Variants in LRP1B observed in about 807,000 individuals in gnomAD.
LRP1B encodes low-density lipoprotein receptor-related protein 1B.
In LRP1B, 217 loss-of-function variants were observed where a neutral mutation model predicts 556.6. That is an observed-to-expected ratio of 0.39 (90% CI 0.35 to 0.44). The LOEUF (loss-of-function observed/expected upper bound fraction) is 0.44. Among genes scored for constraint, LRP1B ranks in the 20% least tolerant of loss-of-function variants. The probability of loss-of-function intolerance (pLI) is 1.00; values close to 1 mark genes in which losing one functional copy is unlikely to be tolerated. For missense variants in LRP1B, 5,053 were observed against 5,620.8 expected (o/e 0.90, Z 3.23); for synonymous variants, 2,047 against 1,865.8 (o/e 1.10, Z -2.50).
intron 2 of LRP1B, among the ~76,000 whole-genome samples, chr2:141,624,067 TTAGTACATAA>T (rs1688616067): frequency 1.1e-5 from 1 of 88,932 alleles, no homozygotes; most frequent in Admixed American, 1.1e-4. Flanking sequence ...AAAAACAAGA[TTAGTACATAA>T]TATATACATG....
chr2:141,124,322 C>T (rs960148647), intron 7 of LRP1B, among the ~76,000 whole-genome samples: 3 of 152,024 alleles, frequency 2.0e-5, no homozygotes, highest in Non-Finnish European at 2.9e-5. Context: ...ACCTTCCTTC[C>T]TCTTTTGTAT....
intron 25 of LRP1B, among the ~76,000 whole-genome samples, chr2:140,872,182 T>A (rs548299018): frequency 6.6e-6 from 1 of 150,562 alleles, no homozygotes; most frequent in South Asian, 2.1e-4. Flanking sequence ...TTTCACCCCC[T>A]GCTGCATGAG....
chr2:141,032,695 G>A (rs998716938), intron 11 of LRP1B, among the ~76,000 whole-genome samples: 4 of 151,360 alleles, frequency 2.6e-5, no homozygotes, highest in African/African-American at 9.7e-5. Context: ...ATTGTTTTCT[G>A]TTATATGAAT....
chr2:141,466,596 A>G lies in LRP1B; in HGVS notation c.343+13800T>C, dbSNP rs546735109. Reference sequence around the variant, plus strand: ...TCAGGCTTCTGGAAAGCTCCTTAAGAAGAAAATAAGTTGCTTGGTAGGGAT... The same window carrying G: ...TCAGGCTTCTGGAAAGCTCCTTAAGGAGAAAATAAGTTGCTTGGTAGGGAT... On this transcript the variant is annotated intron_variant, in intron 3 of 90. Transcript: ENST00000389484. 3.3e-5 allele frequency among the ~76,000 whole-genome samples: 5 copies of G among 152,224 alleles called. No individual in the cohort carries two copies. The East Asian group carries it at 9.7e-4, about 30-fold the overall frequency.
intron 25 of LRP1B, among the ~76,000 whole-genome samples, chr2:140,881,739 G>C (rs1693482404): frequency 6.6e-6 from 1 of 152,150 alleles, no homozygotes; most frequent in Non-Finnish European, 1.5e-5. Context: ...AACTCCCCCA[G>C]AAGCATTTTT....
At chr2:142,012,373 C>G (rs1162505924) in intron 1 of LRP1B, among the ~76,000 whole-genome samples, 1 of 152,082 alleles carries the variant, frequency 6.6e-6, no homozygotes, top group African/African-American at 2.4e-5. Context: ...CTTACAAAAT[C>G]TGTGCTTAGA....
chr2:140,962,531 G>T (rs956237396), intron 18 of LRP1B, among the ~76,000 whole-genome samples: 3 of 152,124 alleles, frequency 2.0e-5, no homozygotes, highest in Non-Finnish European at 4.4e-5. Context: ...TTAAGCTACG[G>T]TGTTCTGTAG....
At chr2:141,810,169 G>GAGT (rs1696311406) in intron 2 of LRP1B, 110 bp downstream of exon 2, 1 of 727,154 alleles carries the variant, frequency 1.4e-6, no homozygotes, top group East Asian at 3.2e-5. Context: ...AAGAAAGAAG[G>GAGT]AAAGAAAGAA....
At chr2:140,694,434 A>G (rs2105406131) in intron 41 of LRP1B, among the ~76,000 whole-genome samples, 1 of 152,346 alleles carries the variant, frequency 6.6e-6, no homozygotes, top group South Asian at 2.1e-4. Flanking sequence ...AAGTCTGTTT[A>G]AATACCATTG....
At chr2:140,363,615 T>G (rs2105148485) in intron 72 of LRP1B, among the ~76,000 whole-genome samples, 1 of 151,688 alleles carries the variant, frequency 6.6e-6, no homozygotes, top group African/African-American at 2.4e-5. Flanking sequence ...TAAAGAAAAC[T>G]GAAGCTGAAA....
intron 2 of LRP1B, among the ~76,000 whole-genome samples, chr2:141,649,934 T>C (rs355564): frequency 1 from 152,100 of 152,352 alleles, 75,924 homozygotes; most frequent in Non-Finnish European, 1. Context: ...GATTCCAGCT[T>C]TTTGGGAGGC....
At chr2:141,774,561 A>G (rs1312162483) in intron 2 of LRP1B, among the ~76,000 whole-genome samples, 1 of 152,184 alleles carries the variant, frequency 6.6e-6, no homozygotes, top group Non-Finnish European at 1.5e-5. Context: ...ATGAGATTTG[A>G]AGGAAACCAA....
chr2:141,488,168 A>G (rs1230696590), intron 2 of LRP1B, among the ~76,000 whole-genome samples: 5 of 130,636 alleles, frequency 3.8e-5, no homozygotes, highest in African/African-American at 1.5e-4. Context: ...AGGCCCAAGG[A>G]CTTACATTTA....
At chr2:140,394,602 C>T (rs1390196705) in intron 66 of LRP1B, among the ~76,000 whole-genome samples, 1 of 152,124 alleles carries the variant, frequency 6.6e-6, no homozygotes, top group Non-Finnish European at 1.5e-5. Flanking sequence ...TCCCACATAA[C>T]ATTCTGCTTC....
intron 18 of LRP1B, among the ~76,000 whole-genome samples, chr2:140,954,084 T>C (rs1004377830): frequency 1.3e-5 from 2 of 152,252 alleles, no homozygotes; most frequent in African/African-American, 4.8e-5. Context: ...ATATTTCCAC[T>C]ATTTTAGGAT....
At chr2:141,180,045 CA>C (rs1436733261) in intron 7 of LRP1B, among the ~76,000 whole-genome samples, 1 of 151,286 alleles carries the variant, frequency 6.6e-6, no homozygotes, top group Non-Finnish European at 1.5e-5. Flanking sequence ...GTTTGCAAAC[CA>C]AGATTCTTCC....
At chr2:141,502,628 A>C (rs13393536) in intron 2 of LRP1B, among the ~76,000 whole-genome samples, 116,124 of 151,802 alleles carry the variant, frequency 0.76, 44,865 homozygotes, top group East Asian at 0.91. Flanking sequence ...TGGGAGGCTG[A>C]GGTGGGCGGA....
intron 62 of LRP1B, among the ~76,000 whole-genome samples, chr2:140,455,547 G>T (rs1687060821): frequency 6.6e-6 from 1 of 152,140 alleles, no homozygotes; most frequent in South Asian, 2.1e-4. Flanking sequence ...TGGCTTCAGA[G>T]TCTATGCCCT....
At chr2:140,408,343 A>T (rs1343425706) in intron 66 of LRP1B, among the ~76,000 whole-genome samples, 2 of 151,968 alleles carry the variant, frequency 1.3e-5, no homozygotes, top group African/African-American at 2.4e-5. Context: ...AAACTAATTT[A>T]AAAAAATTAA....
Sources: gnomAD v4.1 joint callset for allele counts (sites outside exome capture counted in the v4.1 genomes callset) on GRCh38, gnomAD v4.1.1 for gene constraint, MANE v1.5 for transcripts, NCBI Gene and HGNC (gene_info 2026-07-23, HGNC 2026-07-21) for gene names.